Variants in CMTR1 observed in about 807,000 individuals in gnomAD.
The protein encoded by CMTR1 is cap methyltransferase 1, also known as cap-specific mRNA (nucleoside-2'-O-)-methyltransferase 1.
In CMTR1, 39 loss-of-function variants were observed where a neutral mutation model predicts 107.0. The ratio of observed to expected loss-of-function variants is 0.36; its 90% CI spans 0.28 to 0.48. The LOEUF is 0.48. Among genes scored for constraint, CMTR1 ranks in the 20% least tolerant of loss-of-function variants. The probability of loss-of-function intolerance (pLI) is 0.99; values close to 1 mark genes in which losing one functional copy is unlikely to be tolerated. For missense variants in CMTR1, 672 were observed against 1,064.9 expected (o/e 0.63, Z 5.14); for synonymous variants, 366 against 379.5 (o/e 0.96, Z 0.41).
chr6:37,446,049 T>C (rs1771787106), intron 3 of CMTR1, among the ~76,000 whole-genome samples: 1 of 152,216 alleles, frequency 6.6e-6, no homozygotes, highest in Admixed American at 6.5e-5. Context: ...GGCTATGAGG[T>C]CCCTTCTCAT....
intron 2 of CMTR1, among the ~76,000 whole-genome samples, chr6:37,436,575 T>C (rs897171311): frequency 3.3e-5 from 5 of 152,366 alleles, no homozygotes; most frequent in Admixed American, 6.5e-5. Context: ...TCCTTACCAC[T>C]TCTAGCTTCT....
chr6:37,462,224 A>G, intron 12 of CMTR1, 122 bp downstream of exon 12: 1 of 1,166,482 alleles, frequency 8.6e-7, no homozygotes, highest in Non-Finnish European at 1.2e-6. Context: ...TAAAGAAGTG[A>G]TGAGAGCCAA....
rs200655007 is a variant in CMTR1 at position 37,481,153 on chromosome 6, G to A, written c.*1008G>A. On this transcript the variant is annotated 3_prime_UTR_variant, in exon 24 of 24. Transcript: ENST00000373451. The stretch of plus-strand genomic sequence containing the variant: ...AATCTGCTTTTGTTTGTCGTTAAGT[G>A]GTCACTCCCATTTCCTTTATCTTGG... 1.4e-5 allele frequency: 18 copies of A among 1,304,074 alleles called. No individual in the cohort carries two copies. Among genetic ancestry groups the A allele is most frequent in the Admixed American group, 9.2e-5 (4 of 43,542 alleles). 80.8% of individuals were successfully genotyped at this position (1,304,074 alleles called of 1,614,324 possible).
At chr6:37,426,171 T>C in the CMTR1 span, among the ~76,000 whole-genome samples, 1 of 152,182 alleles carries the variant, frequency 6.6e-6, no homozygotes, top group Non-Finnish European at 1.5e-5. Flanking sequence ...ATTTCCAATT[T>C]GTTTATACAT....
chr6:37,440,020 C>G (rs1476298929), intron 2 of CMTR1, among the ~76,000 whole-genome samples: 1 of 152,104 alleles, frequency 6.6e-6, no homozygotes, highest in Non-Finnish European at 1.5e-5. Flanking sequence ...TGCCAACAGC[C>G]AGGAGACCTC....
upstream of CMTR1, among the ~76,000 whole-genome samples, chr6:37,433,026 C>T (rs1300983416): frequency 1.3e-5 from 2 of 152,268 alleles, no homozygotes; most frequent in African/African-American, 4.8e-5. Context: ...TTCTCTTCCT[C>T]AGAGCCAAAG....
In CMTR1 at chr6:37,480,491, T is replaced by G; in HGVS notation, c.*346T>G. ...AGCTGTGGGCTCTGCTGTTCTCTCCTGCATCCTGTAGACTCACTTTTCTGA... is the reference window on the plus strand; with the variant it reads ...AGCTGTGGGCTCTGCTGTTCTCTCCGGCATCCTGTAGACTCACTTTTCTGA... On this transcript the variant is annotated 3_prime_UTR_variant, in exon 24 of 24. Coordinates refer to ENST00000373451, the MANE Select transcript of CMTR1 (RefSeq NM_015050.3). 1.8e-6 allele frequency: 2 copies of G among 1,125,726 alleles called. No homozygotes were observed. The highest frequency in any genetic ancestry group is 1.1e-6 in the Non-Finnish European group (1 of 918,396). The allele number at this position is 1,125,726 out of a possible 1,614,324, so 69.7% of individuals were successfully genotyped here.
intron 8 of CMTR1, among the ~76,000 whole-genome samples, chr6:37,455,710 C>T (rs971659120): frequency 2.6e-5 from 4 of 152,046 alleles, no homozygotes; most frequent in Non-Finnish European, 5.9e-5. Context: ...CTGCTGTACT[C>T]GCCACTGGAA....
chr6:37,440,902 G>C (rs1056291920), intron 2 of CMTR1, among the ~76,000 whole-genome samples: 5 of 152,208 alleles, frequency 3.3e-5, no homozygotes, highest in Non-Finnish European at 7.4e-5. Context: ...TAACAGCCTG[G>C]CAACTCTTTA....
At chr6:37,466,177 A>G (rs183550635) in intron 13 of CMTR1, among the ~76,000 whole-genome samples, 2,204 of 149,292 alleles carry the variant, frequency 0.015, 54 homozygotes, top group African/African-American at 0.052. Context: ...CAGTGGCACA[A>G]TCTCGGCTCA....
At chr6:37,433,776 C>T (rs1771453459) in intron 1 of CMTR1, among the ~76,000 whole-genome samples, 1 of 152,214 alleles carries the variant, frequency 6.6e-6, no homozygotes, top group Non-Finnish European at 1.5e-5. Context: ...TAGAAGTTCC[C>T]TGCCAGAGCA....
At chr6:37,431,403 G>A (rs536533474), upstream of CMTR1, among the ~76,000 whole-genome samples, 5 of 152,344 alleles carry the variant, frequency 3.3e-5, no homozygotes, top group African/African-American at 1.2e-4. Context: ...ATACCTGTTT[G>A]CTGCTTCCTA....
intron 8 of CMTR1, among the ~76,000 whole-genome samples, chr6:37,455,009 T>G (rs950875083): frequency 2.0e-5 from 3 of 151,786 alleles, no homozygotes; most frequent in African/African-American, 7.3e-5. Flanking sequence ...AATTATAGAC[T>G]AAGAGCAGGA....
intron 19 of CMTR1, 109 bp downstream of exon 19, chr6:37,475,521 A>G: frequency 3.4e-6 from 3 of 880,818 alleles, no homozygotes; most frequent in South Asian, 3.2e-5. Context: ...CTGCTTGTTG[A>G]CATCCTGAGA....
intron 2 of CMTR1, among the ~76,000 whole-genome samples, chr6:37,438,762 T>G (rs1771595363): frequency 6.6e-6 from 1 of 152,274 alleles, no homozygotes; most frequent in Non-Finnish European, 1.5e-5. Flanking sequence ...TTTCATTAAG[T>G]ACTTAGCATT....
intron 8 of CMTR1, 121 bp downstream of exon 8, chr6:37,453,433 G>T: frequency 2.1e-6 from 2 of 942,478 alleles, no homozygotes; most frequent in Non-Finnish European, 1.7e-6. Context: ...GAGATACTTT[G>T]CTTTGAGCTC....
chr6:37,462,968 G>T lies in CMTR1; in HGVS notation c.1465G>T (p.Asp489Tyr). Residue 489 changes from aspartate (D) to tyrosine (Y), a missense_variant, in exon 13 of 24, where the codon GAC (aspartate) becomes TAC (tyrosine). By Grantham distance (160) the Asp-to-Tyr change is radical. Around this residue, in one of 2 missense-constraint regions of CMTR1, gnomAD observed 583 missense variants for 968.4 expected, o/e 0.60. Transcript: ENST00000373451. ...LVVPLEVIKG[D>Y]HEFTDYMIRS... ...GGTCCCCCTGGAGGTGATCAAGGGA[G>T]ACCATGAATTTACTGACTACATGAT... is the stretch of plus-strand genomic sequence containing the variant. 6.2e-7 allele frequency: 1 copy of T among 1,614,170 alleles called. No individual in the cohort carries two copies. Among genetic ancestry groups the T allele is most frequent in the South Asian group, 1.1e-5 (1 of 91,074 alleles).
In CMTR1 at chr6:37,460,573, G is replaced by A. The variant is rs369026944; in HGVS notation, c.1095+889G>A. 7.3e-5 allele frequency among the ~76,000 whole-genome samples: 11 copies of A among 151,432 alleles called. No homozygotes were observed. The South Asian group carries it at 8.5e-4, about 12-fold the overall frequency. ...GACCCCATAATCAGGCATGCATTTTGAGAAGCATCTTTAAGTCTGGAAGAC... is the reference window on the plus strand; with the variant it reads ...GACCCCATAATCAGGCATGCATTTTAAGAAGCATCTTTAAGTCTGGAAGAC... On this transcript the variant is annotated intron_variant, in intron 10 of 23. Coordinates refer to ENST00000373451, the MANE Select transcript of CMTR1 (RefSeq NM_015050.3).
At position 37,479,210 on chromosome 6, in the gene CMTR1, A is replaced by G. The variant is rs557479717; in HGVS notation, c.2330A>G (p.Lys777Arg). Reference protein sequence around the residue: ...KKKFFYNKKTKDSTFDLPADS... With the variant: ...KKKFFYNKKTRDSTFDLPADS... ...AAGTTCTTCTACAACAAGAAAACCAAGGACTCTACTTTTGACCTCCCTGCA... is the reference window on the plus strand; with the variant it reads ...AAGTTCTTCTACAACAAGAAAACCAGGGACTCTACTTTTGACCTCCCTGCA... Residue 777 changes from lysine (K) to arginine (R), a missense_variant, in exon 23 of 24, where the codon AAG becomes AGG. By Grantham distance (26) the Lys-to-Arg change is conservative (BLOSUM62 2). Around this residue, in one of 2 missense-constraint regions of CMTR1, gnomAD observed 583 missense variants for 968.4 expected, o/e 0.60. Transcript: ENST00000373451. 1 of 1,614,190 alleles carries G rather than the reference A, an allele frequency of 6.2e-7. No individual in the cohort carries two copies. The highest frequency in any genetic ancestry group is 2.2e-5 in the East Asian group (1 of 44,884).
Sources: gnomAD v4.1 joint callset for allele counts (sites outside exome capture counted in the v4.1 genomes callset) on GRCh38, gnomAD v4.1.1 for gene constraint, gnomAD v4.1.1 regional missense constraint, MANE v1.5 for transcripts, NCBI Gene and HGNC (gene_info 2026-07-23, HGNC 2026-07-21) for gene names.